The following ERCC5 variants were observed in gnomAD, a reference collection of about 807,000 sequenced individuals.
ERCC5 encodes DNA excision repair protein ERCC-5.
ERCC5 carries 68 observed loss-of-function variants against 105.6 expected under a neutral mutation model. The observed-to-expected ratio is 0.64, with a 90% confidence interval of 0.53 to 0.79. ERCC5 has a LOEUF of 0.79. Among genes scored for constraint, ERCC5 ranks in the 30% least tolerant of loss-of-function variants. The pLI, the probability that ERCC5 is intolerant of heterozygous loss-of-function variation, is 0.00. For missense variants in ERCC5, 1,373 were observed against 1,426.7 expected (o/e 0.96, Z 0.61); for synonymous variants, 546 against 526.2 (o/e 1.04, Z -0.51).
intron 3 of ERCC5, 136 bp from the exon 4 acceptor site, chr13:102,854,152 C>T: frequency 1.1e-6 from 1 of 941,092 alleles, no homozygotes; most frequent in Admixed American, 2.1e-5. Context: ...GGTGAGCAGC[C>T]CCGCCAAGGT....
At position 102,862,420 on chromosome 13, in the gene ERCC5, C is replaced by T. The variant is rs1361602917; in HGVS notation, c.1271C>T (p.Ser424Phe). 6.2e-6 allele frequency: 10 copies of T among 1,613,480 alleles called. No homozygotes were observed. Among genetic ancestry groups the T allele is most frequent in the East Asian group, 2.2e-5 (1 of 44,882 alleles). The stretch of plus-strand genomic sequence containing the variant: ...GCAGAAGAAATGCGTATAAACAGCT[C>T]CACCGAGAACAGTGATGAAGGACTT... The part of the protein sequence containing the change: ...PGAEEMRINS[S>F]TENSDEGLKV... The change falls in exon 8 of 15, where the codon TCC (serine) becomes TTC (phenylalanine). Residue 424 changes from serine (S) to phenylalanine (F), a missense_variant. Ser to Phe is a radical substitution (Grantham distance 155). This residue lies in a region of ERCC5 where 1,004 missense variants were observed against 1,059.7 expected (regional missense o/e 0.95). Transcript: ENST00000652225.
intron 12 of ERCC5, among the ~76,000 whole-genome samples, chr13:102,869,935 A>C (rs1882977512): frequency 6.6e-6 from 1 of 152,130 alleles, no homozygotes; most frequent in Non-Finnish European, 1.5e-5. Context: ...CTGCTGAATC[A>C]TTTTCATATT....
chr13:102,875,906 A>T lies in ERCC5; in HGVS notation c.*3A>T. On this transcript the variant is annotated 3_prime_UTR_variant, in exon 15 of 15. Transcript: ENST00000652225. ...GGGGAAGAAAAAGGAAAACCTAATT[A>T]AAAAATATGTATCCTCTATAATTAG... 1.2e-6 allele frequency: 2 copies of T among 1,603,496 alleles called. No individual in the cohort carries two copies. The highest frequency in any genetic ancestry group is 1.1e-5 in the South Asian group (1 of 91,010).
intron 10 of ERCC5, 52 bp downstream of exon 10, chr13:102,866,433 G>A: frequency 6.2e-7 from 1 of 1,613,694 alleles, no homozygotes; most frequent in African/African-American, 1.3e-5. Context: ...GACCCCTGGG[G>A]GAATGCACTG....
In ERCC5 at chr13:102,847,297, A is replaced by ATTTTTTTTTTTTTTTTTT. The variant is rs35223521; in HGVS notation, c.88+959_88+960insTTTTTTTTTTTTTTTTTT. Among the ~76,000 whole-genome samples, 2 of 139,446 alleles carry ATTTTTTTTTTTTTTTTTT rather than the reference A, an allele frequency of 1.4e-5. 1 individual carries two copies. The allele number at this position is 139,446 out of a possible 152,430, so 91.5% of individuals were successfully genotyped here. ...TTATCTTTTTCTTTGTTATGTAGTC[A>ATTTTTTTTTTTTTTTTTT]TTTTTTTTTTTTTTTTGAGTATCTA... On this transcript the variant is annotated intron_variant, in intron 1 of 14. Transcript: ENST00000652225.
At position 102,862,033 on chromosome 13, in the gene ERCC5, T is replaced by C. The variant is rs112571039; in HGVS notation, c.884T>C (p.Ile295Thr). 1 of 1,614,248 alleles carries C rather than the reference T, an allele frequency of 6.2e-7. No homozygotes were observed. The highest frequency in any genetic ancestry group is 8.5e-7 in the Non-Finnish European group (1 of 1,180,038). ...DTSHYILIKG[I>T]QAKTVAEVDS... ...AAGTGTTTTAATTCTTCTTAAGGTA[T>C]TCAAGCTAAGACAGTTGCAGAAGTG... The change falls in exon 8 of 15, where the codon ATT becomes ACT. Residue 295 changes from isoleucine to threonine, a missense_variant. By Grantham distance (89) the Ile-to-Thr change is moderately conservative (BLOSUM62 -1). Coordinates refer to ENST00000652225, the MANE Select transcript of ERCC5 (RefSeq NM_000123.4).
chr13:102,873,213 T>A, intron 13 of ERCC5, 46 bp from the exon 14 acceptor site: 1 of 1,610,916 alleles, frequency 6.2e-7, no homozygotes, highest in East Asian at 2.2e-5. Flanking sequence ...ATTTGTCACT[T>A]GTTTAAATAT....
At chr13:102,868,920 C>T (rs1247425834) in intron 12 of ERCC5, among the ~76,000 whole-genome samples, 3 of 152,184 alleles carry the variant, frequency 2.0e-5, no homozygotes, top group Admixed American at 1.3e-4. Flanking sequence ...TCCTTGATGG[C>T]ATCTTTTTAA....
At position 102,858,237 on chromosome 13, in the gene ERCC5, A is replaced by G; in HGVS notation, c.529-38A>G. 5 of 1,613,800 alleles carry G rather than the reference A, an allele frequency of 3.1e-6. No individual in the cohort carries two copies. The South Asian group carries it at 5.5e-5, about 18-fold the overall frequency. On this transcript the variant is annotated intron_variant, in intron 5 of 14. Coordinates refer to ENST00000652225, the MANE Select transcript of ERCC5 (RefSeq NM_000123.4). ...ATGTTGAATAGAACTAAGTGTATGAAATGTAAATTTCATGGTGCTGTGATT... is the reference window on the plus strand; with the variant it reads ...ATGTTGAATAGAACTAAGTGTATGAGATGTAAATTTCATGGTGCTGTGATT...
intron 1 of ERCC5, among the ~76,000 whole-genome samples, chr13:102,850,233 A>G (rs1215606933): frequency 1.3e-5 from 2 of 152,142 alleles, no homozygotes; most frequent in African/African-American, 4.8e-5. Context: ...GCCTCAATAT[A>G]TTTTTTAAAT....
chr13:102,863,857 A>T (rs1220109979), intron 8 of ERCC5, among the ~76,000 whole-genome samples: 1 of 152,154 alleles, frequency 6.6e-6, no homozygotes, highest in African/African-American at 2.4e-5. Flanking sequence ...TTGAATCCCT[A>T]TTCTGGCACC....
At chr13:102,852,046 G>C in intron 1 of ERCC5, 72 bp from the exon 2 acceptor site, 1 of 1,533,506 alleles carries the variant, frequency 6.5e-7, no homozygotes. Flanking sequence ...GATAATATCA[G>C]TTATTAGGAA....
At chr13:102,873,962 G>T (rs151125811) in intron 14 of ERCC5, among the ~76,000 whole-genome samples, 1 of 152,284 alleles carries the variant, frequency 6.6e-6, no homozygotes, top group Non-Finnish European at 1.5e-5. Context: ...TAGCTTTTGT[G>T]ATAATATATT....
chr13:102,875,869 T>G lies in ERCC5; in HGVS notation c.3527T>G (p.Leu1176Arg). ...GTGTTTGGGAAGAAAAGAAGGAAAC[T>G]AAGACGTGCGAGGGGAAGAAAAAGG... ...RSVFGKKRRK[L>R]RRARGRKRKT The change falls in exon 15 of 15, where the codon CTA (leucine) becomes CGA (arginine). Residue 1176 changes from leucine to arginine, a missense_variant. Around this residue, in one of 3 missense-constraint regions of ERCC5, gnomAD observed 367 missense variants for 350.2 expected, o/e 1.05. Transcript: ENST00000652225. The G allele has an allele frequency of 6.2e-7, 1 of 1,611,324 alleles. No individual in the cohort carries two copies. Among genetic ancestry groups the G allele is most frequent in the Non-Finnish European group, 8.5e-7 (1 of 1,179,974 alleles).
intron 2 of ERCC5, among the ~76,000 whole-genome samples, chr13:102,853,534 A>G (rs752603933): frequency 1.8e-4 from 28 of 152,350 alleles, no homozygotes; most frequent in South Asian, 2.1e-4. Flanking sequence ...AAGTTTCCCA[A>G]ATATATTGTG....
At chr13:102,872,482 A>AT (rs1467468935) in intron 13 of ERCC5, 84 bp downstream of exon 13, 1 of 1,529,172 alleles carries the variant, frequency 6.5e-7, no homozygotes, top group Non-Finnish European at 8.9e-7. Flanking sequence ...AACTTGGATC[A>AT]TTTTTTTCTT....
chr13:102,855,315 T>C lies in ERCC5; in HGVS notation c.468-737T>C, dbSNP rs1382393730. On this transcript the variant is annotated intron_variant, in intron 4 of 14. Coordinates refer to ENST00000652225, the MANE Select transcript of ERCC5 (RefSeq NM_000123.4). ...CCCAGACTGGAGTGCAGTGGCACAATCTCAGCTCACTGCAACCCCTGCCTC... is the reference window on the plus strand; with the variant it reads ...CCCAGACTGGAGTGCAGTGGCACAACCTCAGCTCACTGCAACCCCTGCCTC... 2.0e-5 allele frequency among the ~76,000 whole-genome samples: 3 copies of C among 152,180 alleles called. No homozygotes were observed. In the East Asian group the frequency reaches 5.8e-4, roughly 29 times the overall value.
intron 12 of ERCC5, among the ~76,000 whole-genome samples, chr13:102,868,494 C>T (rs1440076558): frequency 2.0e-5 from 3 of 152,206 alleles, no homozygotes; most frequent in East Asian, 1.9e-4. Flanking sequence ...GTGGATTTCA[C>T]AGGAATGTAG....
intron 6 of ERCC5, among the ~76,000 whole-genome samples, chr13:102,860,420 A>G (rs1882578005): frequency 6.6e-6 from 1 of 152,220 alleles, no homozygotes; most frequent in African/African-American, 2.4e-5. Flanking sequence ...GTTAGGATGG[A>G]AAAGCCATTA....
Sources: allele counts gnomAD v4.1 joint callset (sites outside exome capture counted in the v4.1 genomes callset), GRCh38; gene constraint gnomAD v4.1.1; regional missense constraint gnomAD v4.1.1; transcripts MANE v1.5; gene names NCBI Gene and HGNC (gene_info 2026-07-23, HGNC 2026-07-21).